Variants in CEP15 observed in about 807,000 individuals in gnomAD.
The protein encoded by CEP15 is centrosomal protein 15.
the CEP15 span, chr3:62,331,328 A>G: frequency 3.7e-6 from 6 of 1,612,668 alleles, no homozygotes; most frequent in Non-Finnish European, 3.4e-6. Context: ...GTTACAGGAT[A>G]TAGAAGCAGC....
the CEP15 span, among the ~76,000 whole-genome samples, chr3:62,321,474 A>G: frequency 6.6e-6 from 1 of 152,196 alleles, no homozygotes; most frequent in Non-Finnish European, 1.5e-5. This position sits in a 1 kb window ranked among gnomAD's most constrained non-coding sequence, Gnocchi z 4.1. Context: ...GCACAATTCT[A>G]AATGTGTAAC....
chr3:62,328,149 TTTG>T, the CEP15 span, among the ~76,000 whole-genome samples: 8 of 152,206 alleles, frequency 5.3e-5, no homozygotes, highest in Non-Finnish European at 5.9e-5. Flanking sequence ...TGCAACTTGT[TTTG>T]TTGTTGTTGT....
At chr3:62,332,694 T>C in the CEP15 span, among the ~76,000 whole-genome samples, 1 of 152,126 alleles carries the variant, frequency 6.6e-6, no homozygotes, top group Non-Finnish European at 1.5e-5. Context: ...ATCACAAAAA[T>C]GGGGAAAAAT....
At chr3:62,327,118 G>C in the CEP15 span, among the ~76,000 whole-genome samples, 2 of 152,080 alleles carry the variant, frequency 1.3e-5, no homozygotes, top group Non-Finnish European at 2.9e-5. Context: ...TAGGTCATTT[G>C]TCCTATGCGT....
the CEP15 span, among the ~76,000 whole-genome samples, chr3:62,330,861 A>T: frequency 3.3e-5 from 5 of 152,164 alleles, no homozygotes. Context: ...TGTGCCATTG[A>T]TACACTATTT....
At chr3:62,326,372 C>G in the CEP15 span, among the ~76,000 whole-genome samples, 1 of 152,044 alleles carries the variant, frequency 6.6e-6, no homozygotes, top group African/African-American at 2.4e-5. Flanking sequence ...TTTTCTATCC[C>G]AGAAATTGGC....
At chr3:62,321,498 G>A in the CEP15 span, among the ~76,000 whole-genome samples, 1 of 152,166 alleles carries the variant, frequency 6.6e-6, no homozygotes, top group African/African-American at 2.4e-5. This position sits in a 1 kb window ranked among gnomAD's most constrained non-coding sequence, Gnocchi z 4.1. Context: ...AGATTCAGGG[G>A]TACTGAAGTG....
chr3:62,333,252 C>T, the CEP15 span: 1 of 1,602,288 alleles, frequency 6.2e-7, no homozygotes, highest in Non-Finnish European at 8.5e-7. The surrounding 1 kb of genome is among the most constrained non-coding windows in gnomAD (Gnocchi z 4.0). Flanking sequence ...TTTTTTTTTC[C>T]AGACTCGTTA....
the CEP15 span, among the ~76,000 whole-genome samples, chr3:62,323,661 AG>A: frequency 2.6e-5 from 4 of 152,230 alleles, no homozygotes; most frequent in Non-Finnish European, 1.5e-5. Flanking sequence ...TGGAGAGAAC[AG>A]TGTTCAGAAG....
chr3:62,329,926 C>T, the CEP15 span, among the ~76,000 whole-genome samples: 5 of 152,176 alleles, frequency 3.3e-5, no homozygotes, highest in South Asian at 2.1e-4. Context: ...TCGGTATAAT[C>T]GCACAAATGT....
chr3:62,331,729 T>A, the CEP15 span, among the ~76,000 whole-genome samples: 1 of 152,124 alleles, frequency 6.6e-6, no homozygotes, highest in African/African-American at 2.4e-5. Flanking sequence ...CTAACTCAAA[T>A]GCTTTTGCTG....
chr3:62,327,557 C>G, the CEP15 span, among the ~76,000 whole-genome samples: 1 of 152,108 alleles, frequency 6.6e-6, no homozygotes, highest in Non-Finnish European at 1.5e-5. Flanking sequence ...TAATTCCTGG[C>G]TGTCTCTCAT....
the CEP15 span, among the ~76,000 whole-genome samples, chr3:62,321,354 A>T: frequency 6.6e-6 from 1 of 152,192 alleles, no homozygotes; most frequent in Admixed American, 6.5e-5. This position sits in a 1 kb window ranked among gnomAD's most constrained non-coding sequence, Gnocchi z 4.1. Flanking sequence ...CCTTGTTGTG[A>T]GTATGCATAC....
At chr3:62,322,093 T>C in the CEP15 span, 4 of 1,577,518 alleles carry the variant, frequency 2.5e-6, no homozygotes, top group South Asian at 4.8e-5. The surrounding 1 kb of genome is among the most constrained non-coding windows in gnomAD (Gnocchi z 5.5). Context: ...TTATCCCACC[T>C]TCTCAAAAAT....
At chr3:62,323,528 A>G in the CEP15 span, among the ~76,000 whole-genome samples, 3 of 152,218 alleles carry the variant, frequency 2.0e-5, no homozygotes, top group East Asian at 5.8e-4. Context: ...GACTTGATAT[A>G]TAGACATAAT....
the CEP15 span, among the ~76,000 whole-genome samples, chr3:62,328,080 G>T: frequency 6.6e-6 from 1 of 152,126 alleles, no homozygotes; most frequent in East Asian, 1.9e-4. Context: ...AAGAAGCCCT[G>T]GTTCCTTTTG....
the CEP15 span, chr3:62,335,796 C>T: frequency 2.6e-5 from 4 of 151,668 alleles, no homozygotes; most frequent in African/African-American, 7.3e-5. Flanking sequence ...TTTCCAAAGC[C>T]GTTTGTGGAC....
the CEP15 span, chr3:62,336,067 A>G: frequency 6.6e-6 from 1 of 152,176 alleles, no homozygotes; most frequent in Non-Finnish European, 1.5e-5. The surrounding 1 kb of genome is among the most constrained non-coding windows in gnomAD (Gnocchi z 4.4). Flanking sequence ...GGTGTTTTAA[A>G]TTGTCAGCTT....
the CEP15 span, chr3:62,334,703 A>G: frequency 6.6e-6 from 1 of 152,208 alleles, no homozygotes; most frequent in East Asian, 1.9e-4. The surrounding 1 kb of genome is among the most constrained non-coding windows in gnomAD (Gnocchi z 4.9). Flanking sequence ...TGAAAAAAGA[A>G]GACAGAGGAA....
Sources: gnomAD v4.1 joint callset for allele counts (sites outside exome capture counted in the v4.1 genomes callset) on GRCh38, gnomAD v4.1.1 for gene constraint, Gnocchi (gnomAD v3.1) non-coding constraint, MANE v1.5 for transcripts, NCBI Gene and HGNC (gene_info 2026-07-23, HGNC 2026-07-21) for gene names.